RGS7: variants seen among roughly 807,000 people sequenced by gnomAD.
RGS7 encodes regulator of G-protein signaling 7.
A neutral mutation model predicts 81.1 loss-of-function variants in RGS7; 27 were observed. The observed-to-expected ratio is 0.33, with a 90% CI of 0.25 to 0.46. RGS7 has a LOEUF of 0.46. Ranked by LOEUF, RGS7 falls within the 20% of genes least tolerant of loss-of-function variation. RGS7 has a pLI of 1.00. For synonymous variants in RGS7, 208 were observed against 207.7 expected, an observed-to-expected ratio of 1.00 and a Z score of -0.01; for missense variants, 396 against 607.4, an observed-to-expected ratio of 0.65 and a Z score of 3.66.
chr1:240,991,804 T>A (rs1686496662), intron 3 of RGS7, among the ~76,000 whole-genome samples: 1 of 152,226 alleles, frequency 6.6e-6, no homozygotes, highest in South Asian at 2.1e-4. Flanking sequence ...TATTTATTAA[T>A]CGATTAATCA....
intron 13 of RGS7, 104 bp from the exon 14 acceptor site, chr1:240,812,147 C>T: frequency 2.5e-6 from 3 of 1,219,318 alleles, no homozygotes; most frequent in Non-Finnish European, 3.6e-6. Context: ...AAGTTCCCAT[C>T]TTTACCTTTT....
At chr1:241,295,867 C>T (rs917889844) in intron 2 of RGS7, among the ~76,000 whole-genome samples, 3 of 152,158 alleles carry the variant, frequency 2.0e-5, no homozygotes, top group African/African-American at 7.2e-5. Flanking sequence ...GTGTTGAGTA[C>T]AAGACTCAGC....
At position 241,355,813 on chromosome 1, in the gene RGS7, A is replaced by T. The variant is rs2083525199; in HGVS notation, c.-37T>A. ...CTTGGTCCACTCTCAAGATACAAGA[A>T]TTATCAGTGTGCCCTGCAAAGGGTC... On this transcript the variant is annotated 5_prime_UTR_variant, in exon 2 of 19. Coordinates refer to ENST00000440928, the MANE Select transcript of RGS7 (RefSeq NM_001364886.1). The T allele has an allele frequency of 1.3e-6, 2 of 1,560,554 alleles. No homozygotes were observed. The highest frequency in any genetic ancestry group is 2.7e-5 in the African/African-American group (2 of 73,994).
chr1:240,789,783 C>T lies in RGS7; in HGVS notation c.*6+10858G>A, dbSNP rs180992153. On this transcript the variant is annotated intron_variant, in intron 18 of 18. Coordinates refer to ENST00000440928, the MANE Select transcript of RGS7 (RefSeq NM_001364886.1). ...TTCATTAGCAATTTTAATTTCACCC[C>T]GGTCCTGTGGTCCTGTGATCTCGCC... is the stretch of plus-strand genomic sequence containing the variant. 5.9e-5 allele frequency among the ~76,000 whole-genome samples: 9 copies of T among 152,260 alleles called. No homozygotes were observed. In the East Asian group the frequency reaches 1.4e-3, roughly 23 times the overall value.
At position 241,193,198 on chromosome 1, in the gene RGS7, A is replaced by G. The variant is rs73131678; in HGVS notation, c.79-94436T>C. Among the ~76,000 whole-genome samples, 306 of 152,306 alleles carry G rather than the reference A, an allele frequency of 2.0e-3. 2 individuals carry two copies. The highest frequency in any genetic ancestry group is 6.8e-3 in the African/African-American group (283 of 41,550). ...TAAGATCAGACTTAAGTAAACTCCTAAGCTAATTTTGAATCATTTGTCCTC... is the reference window on the plus strand; with the variant it reads ...TAAGATCAGACTTAAGTAAACTCCTGAGCTAATTTTGAATCATTTGTCCTC... On this transcript the variant is annotated intron_variant, in intron 2 of 18. Coordinates refer to ENST00000440928, the MANE Select transcript of RGS7 (RefSeq NM_001364886.1).
At chr1:240,994,008 A>G (rs1306128845) in intron 3 of RGS7, among the ~76,000 whole-genome samples, 2 of 151,640 alleles carry the variant, frequency 1.3e-5, no homozygotes, top group Non-Finnish European at 2.9e-5. Context: ...CTATTTCTGG[A>G]TTCTCTATTC....
intron 2 of RGS7, among the ~76,000 whole-genome samples, chr1:241,172,019 C>G (rs769386694): frequency 5.9e-5 from 9 of 152,158 alleles, no homozygotes; most frequent in Admixed American, 1.3e-4. Flanking sequence ...ATTACTTTCA[C>G]AATTTAATAA....
At position 240,868,962 on chromosome 1, in the gene RGS7, C is replaced by T; in HGVS notation, c.451-110G>A. Reference sequence around the variant, plus strand: ...GAAACAAATAGAGAGTTTCTAAAGCCCTAAGTGTACTGTGGTTCTCAATGA... The same window carrying T: ...GAAACAAATAGAGAGTTTCTAAAGCTCTAAGTGTACTGTGGTTCTCAATGA... On this transcript the variant is annotated intron_variant, in intron 7 of 18. Coordinates refer to ENST00000440928, the MANE Select transcript of RGS7 (RefSeq NM_001364886.1). The surrounding 1 kb of genome is among the most constrained non-coding windows in gnomAD (Gnocchi z 5.1). 2 of 953,662 alleles carry T rather than the reference C, an allele frequency of 2.1e-6. No individual in the cohort carries two copies. The highest frequency in any genetic ancestry group is 1.3e-5 in the South Asian group (1 of 76,744). 59.1% of individuals were successfully genotyped at this position (953,662 alleles called of 1,614,324 possible).
chr1:241,119,370 T>A (rs557683373), intron 2 of RGS7, among the ~76,000 whole-genome samples: 2 of 152,320 alleles, frequency 1.3e-5, no homozygotes, highest in Non-Finnish European at 2.9e-5. Context: ...ATGCTTTGAA[T>A]AGGAAGGGAT....
At chr1:241,283,057 T>G (rs910678973) in intron 2 of RGS7, among the ~76,000 whole-genome samples, 28 of 152,170 alleles carry the variant, frequency 1.8e-4, no homozygotes, top group Admixed American at 1.4e-3. Flanking sequence ...AAATCTTACC[T>G]CCCTTCATGT....
intron 3 of RGS7, among the ~76,000 whole-genome samples, chr1:240,987,478 A>C (rs1402304325): frequency 6.6e-6 from 1 of 152,130 alleles, no homozygotes; most frequent in African/African-American, 2.4e-5. Flanking sequence ...TTATTTAGTG[A>C]ATATCATAAA....
At chr1:241,079,499 C>G (rs748827257) in intron 3 of RGS7, among the ~76,000 whole-genome samples, 1 of 151,904 alleles carries the variant, frequency 6.6e-6, no homozygotes, top group Admixed American at 6.6e-5. Context: ...ATGATTAATG[C>G]CAGCTAGCTT....
intron 2 of RGS7, among the ~76,000 whole-genome samples, chr1:241,272,566 C>T (rs2077974817): frequency 6.6e-6 from 1 of 152,156 alleles, no homozygotes; most frequent in South Asian, 2.1e-4. Context: ...AGTTCCTAGC[C>T]CCATCTGTAT....
intron 3 of RGS7, among the ~76,000 whole-genome samples, chr1:241,046,309 C>CT (rs746481990): frequency 2.7e-4 from 5 of 18,736 alleles, no homozygotes; most frequent in Admixed American, 7.9e-4. Flanking sequence ...CTGACCCCCC[C>CT]CCCCTTTTCT....
intron 2 of RGS7, among the ~76,000 whole-genome samples, chr1:241,282,032 G>A (rs1271529368): frequency 6.6e-6 from 1 of 152,174 alleles, no homozygotes. Context: ...ACATGTGCAA[G>A]TCTGTTACAT....
chr1:241,223,501 T>G (rs577950256), intron 2 of RGS7, among the ~76,000 whole-genome samples: 1 of 152,136 alleles, frequency 6.6e-6, no homozygotes, highest in South Asian at 2.1e-4. Context: ...GAGGAGCAAG[T>G]AGGTTGTTGG....
intron 3 of RGS7, among the ~76,000 whole-genome samples, chr1:241,087,948 C>CTT (rs199723402): frequency 0.019 from 1,225 of 64,688 alleles, 28 homozygotes; most frequent in African/African-American, 0.084. Context: ...GACTCCATCT[C>CTT]TCTCTCTCTC....
chr1:241,261,465 A>T (rs571632412), intron 2 of RGS7, among the ~76,000 whole-genome samples: 267 of 148,808 alleles, frequency 1.8e-3, no homozygotes, highest in African/African-American at 6.3e-3. Flanking sequence ...ACTAAAAAAT[A>T]AAAAAAAAAG....
At chr1:241,061,369 G>C (rs961849309) in intron 3 of RGS7, among the ~76,000 whole-genome samples, 2 of 152,172 alleles carry the variant, frequency 1.3e-5, no homozygotes, top group African/African-American at 4.8e-5. Context: ...GCAGGACACT[G>C]AGGACATCAA....
Sources: allele counts gnomAD v4.1 joint callset (sites outside exome capture counted in the v4.1 genomes callset), GRCh38; gene constraint gnomAD v4.1.1; non-coding constraint Gnocchi (gnomAD v3.1); transcripts MANE v1.5; gene names NCBI Gene and HGNC (gene_info 2026-07-23, HGNC 2026-07-21).